SP140: variants seen among roughly 807,000 people sequenced by gnomAD.
The protein encoded by SP140 is SP140 nuclear body protein.
Under a neutral mutation model 125.0 loss-of-function variants are expected in SP140, and 81 were observed. That is an observed-to-expected ratio of 0.65 (90% CI 0.54 to 0.78). The LOEUF is 0.78. Among genes scored for constraint, SP140 ranks in the 30% least tolerant of loss-of-function variants. The pLI, the probability that SP140 is intolerant of heterozygous loss-of-function variation, is 0.00. For missense variants in SP140, 858 were observed against 1,037.0 expected (o/e 0.83, Z 2.37); for synonymous variants, 312 against 354.0 (o/e 0.88, Z 1.33).
At chr2:230,213,078 T>G in intron 1 of SP140, 1 of 1,591,388 alleles carries the variant, frequency 6.3e-7, no homozygotes, top group Non-Finnish European at 8.6e-7. Flanking sequence ...TCAGAATTAC[T>G]TGGGGAAGGG....
chr2:230,269,339 G>T (rs1013327203), intron 12 of SP140, among the ~76,000 whole-genome samples, 193 bp from the exon 13 acceptor site: 13 of 151,180 alleles, frequency 8.6e-5, no homozygotes, highest in African/African-American at 2.9e-4. Context: ...GAGAAAAGGA[G>T]GATGAGGTGC....
chr2:230,309,983 C>A lies in SP140; in HGVS notation c.2118C>A (p.Asp706Glu). 2 of 1,614,190 alleles carry A rather than the reference C, an allele frequency of 1.2e-6. No individual in the cohort carries two copies. Among genetic ancestry groups the A allele is most frequent in the Non-Finnish European group, 1.7e-6 (2 of 1,180,034 alleles). ...CRDGGELFCC[D>E]TCSRVFHEDC... ...ACGGAGGGGAGCTGTTCTGTTGCGA[C>A]ACTTGTTCAAGAGTCTTCCATGAGG... The change falls in exon 23 of 27, where the codon GAC (aspartate) becomes GAA (glutamate). Residue 706 changes from aspartate (D) to glutamate (E), a missense_variant. Physicochemically the swap from Asp to Glu is conservative, Grantham distance 45. Coordinates refer to ENST00000392045, the MANE Select transcript of SP140 (RefSeq NM_007237.5).
intron 3 of SP140, chr2:230,214,174 C>G (rs889969718): frequency 1.3e-5 from 2 of 152,330 alleles, no homozygotes; most frequent in Admixed American, 1.3e-4. Flanking sequence ...AACTCTGCCA[C>G]TGTTCTTTTT....
rs555400209 is a variant in SP140 at position 230,232,111 on chromosome 2, G to A, written c.60-4972G>A. Among the ~76,000 whole-genome samples, 26 of 152,312 alleles carry A rather than the reference G, an allele frequency of 1.7e-4. No individual in the cohort carries two copies. In the South Asian group the frequency reaches 4.3e-3, roughly 25 times the overall value. ...TTAAAGCATTTTCCCTGGAGAGCAG[G>A]CCCTTGTCATGGAGAATGCTTTGGC... On this transcript the variant is annotated intron_variant, in intron 1 of 26. Coordinates refer to ENST00000392045, the MANE Select transcript of SP140 (RefSeq NM_007237.5).
the SP140 span, among the ~76,000 whole-genome samples, chr2:230,190,911 C>G: frequency 6.6e-6 from 1 of 152,116 alleles, no homozygotes; most frequent in Middle Eastern, 3.2e-3. Flanking sequence ...GCTCCATGGT[C>G]TATATGTCTG....
chr2:230,264,452 C>G (rs991564492), intron 12 of SP140, among the ~76,000 whole-genome samples: 1 of 152,128 alleles, frequency 6.6e-6, no homozygotes, highest in East Asian at 1.9e-4. Flanking sequence ...TAATAACTAC[C>G]CTCCTGAATT....
chr2:230,303,967 G>A (rs1369332247), intron 22 of SP140, among the ~76,000 whole-genome samples: 1 of 152,090 alleles, frequency 6.6e-6, no homozygotes, highest in African/African-American at 2.4e-5. Flanking sequence ...AAGTCAAACT[G>A]TTGCTGGTCG....
At chr2:230,205,904 T>C (rs1391553093) in intron 1 of SP140, among the ~76,000 whole-genome samples, 1 of 152,044 alleles carries the variant, frequency 6.6e-6, no homozygotes, top group Non-Finnish European at 1.5e-5. Context: ...GAAGTGTGAG[T>C]TGAATAATCT....
At chr2:230,223,690 G>A (rs2046000478), upstream of SP140, among the ~76,000 whole-genome samples, 1 of 152,214 alleles carries the variant, frequency 6.6e-6, no homozygotes, top group South Asian at 2.1e-4. Context: ...AGCGTTCAGA[G>A]TCAGGAATTT....
chr2:230,247,349 C>T (rs943599035), intron 7 of SP140, among the ~76,000 whole-genome samples: 5 of 152,162 alleles, frequency 3.3e-5, no homozygotes, highest in Non-Finnish European at 7.3e-5. Flanking sequence ...AACACTATTA[C>T]TCCATTCTTG....
At chr2:230,282,398 C>A (rs1427747114) in intron 15 of SP140, among the ~76,000 whole-genome samples, 1 of 152,174 alleles carries the variant, frequency 6.6e-6, no homozygotes, top group African/African-American at 2.4e-5. Flanking sequence ...ATTCACCCCA[C>A]ATTTTTGCTT....
intron 18 of SP140, among the ~76,000 whole-genome samples, chr2:230,289,294 C>A (rs916131160): frequency 6.6e-6 from 1 of 152,158 alleles, no homozygotes; most frequent in Admixed American, 6.5e-5. Context: ...ATATCCTTTG[C>A]CCACTTTTTG....
chr2:230,196,797 G>GT, the SP140 span, among the ~76,000 whole-genome samples: 156 of 151,992 alleles, frequency 1.0e-3, no homozygotes, highest in Admixed American at 2.2e-3. Context: ...GCAGTGTTTG[G>GT]TTTTTTGTCC....
chr2:230,209,733 C>A (rs1376310738), intron 1 of SP140, among the ~76,000 whole-genome samples: 1 of 152,178 alleles, frequency 6.6e-6, no homozygotes, highest in East Asian at 1.9e-4. Context: ...TCAATACCCC[C>A]AAATGCCTTC....
In SP140 at chr2:230,312,705, A is replaced by G. The variant is rs372585008; in HGVS notation, c.*21A>G. ...ATTGACTGGATTAGTGGATGCTGAA[A>G]GCATTCAGCAAATGGCACCCTAAAA... On this transcript the variant is annotated 3_prime_UTR_variant, in exon 27 of 27. Coordinates refer to ENST00000392045, the MANE Select transcript of SP140 (RefSeq NM_007237.5). The G allele has an allele frequency of 1.2e-4, 182 of 1,558,730 alleles. No homozygotes were observed. The African/African-American group carries it at 1.8e-3, about 15-fold the overall frequency.
intron 22 of SP140, among the ~76,000 whole-genome samples, chr2:230,303,060 CA>C (rs1379618748): frequency 6.6e-6 from 1 of 151,810 alleles, no homozygotes; most frequent in Non-Finnish European, 1.5e-5. Flanking sequence ...TAACAAAGAT[CA>C]GAGAAGAACT....
intron 22 of SP140, among the ~76,000 whole-genome samples, chr2:230,309,413 G>C (rs1198459832): frequency 6.6e-6 from 1 of 152,166 alleles, no homozygotes; most frequent in East Asian, 1.9e-4. Flanking sequence ...GAGCCCTCCA[G>C]GCACAAAACG....
intron 1 of SP140, chr2:230,213,156 G>A (rs959427901): frequency 2.3e-6 from 2 of 858,082 alleles, no homozygotes; most frequent in Non-Finnish European, 3.8e-6. Flanking sequence ...CAGGTGCAGA[G>A]AACTGATTCA....
chr2:230,293,021 G>T (rs955279993), intron 20 of SP140, among the ~76,000 whole-genome samples: 1 of 152,304 alleles, frequency 6.6e-6, no homozygotes, highest in East Asian at 1.9e-4. Flanking sequence ...GGAGGAAAGG[G>T]TCATTCTGAC....
Sources: gnomAD v4.1 joint callset for allele counts (sites outside exome capture counted in the v4.1 genomes callset) on GRCh38, gnomAD v4.1.1 for gene constraint, MANE v1.5 for transcripts, NCBI Gene and HGNC (gene_info 2026-07-23, HGNC 2026-07-21) for gene names.